The following ANKRD29 variants were observed in gnomAD, a reference collection of about 807,000 sequenced individuals.
ANKRD29 encodes ankyrin repeat domain 29.
ANKRD29 carries 32 observed loss-of-function variants against 38.0 expected under a neutral mutation model. That is an observed-to-expected ratio of 0.84 (90% CI 0.64 to 1.13). The LOEUF (loss-of-function observed/expected upper bound fraction) is 1.13, where lower values mean the gene tolerates loss of function less well. ANKRD29 is among the 50% of genes most tolerant of loss of function. ANKRD29 has a pLI of 0.00. For missense variants in ANKRD29, 357 were observed against 377.9 expected (o/e 0.94, Z 0.46); for synonymous variants, 135 against 152.4 (o/e 0.89, Z 0.84).
At chr18:23,617,867 A>T (rs764745051) in intron 7 of ANKRD29, 40 bp from the exon 8 acceptor site, 1 of 1,550,850 alleles carries the variant, frequency 6.4e-7, no homozygotes, top group Non-Finnish European at 8.9e-7. Context: ...TTATTAACAT[A>T]TATCTGTGTT....
chr18:23,636,211 A>G (rs2060001024), intron 4 of ANKRD29, among the ~76,000 whole-genome samples: 1 of 152,176 alleles, frequency 6.6e-6, no homozygotes, highest in African/African-American at 2.4e-5. Context: ...ATCATGGCTC[A>G]CTGCAGCCTT....
chr18:23,656,024 C>A (rs573549468), intron 1 of ANKRD29, among the ~76,000 whole-genome samples: 1 of 143,658 alleles, frequency 7.0e-6, no homozygotes, highest in Non-Finnish European at 1.5e-5. Flanking sequence ...ACCCGGGAGG[C>A]GGAGCTTGCA....
chr18:23,613,447 C>G (rs1374578225), intron 8 of ANKRD29, among the ~76,000 whole-genome samples: 1 of 152,032 alleles, frequency 6.6e-6, no homozygotes. Flanking sequence ...GCTGGGATTA[C>G]AGGTGTGAGC....
At chr18:23,601,961 T>C (rs1376821086) in intron 9 of ANKRD29, among the ~76,000 whole-genome samples, 1 of 152,072 alleles carries the variant, frequency 6.6e-6, no homozygotes, top group Non-Finnish European at 1.5e-5. Flanking sequence ...CCAGCCTACC[T>C]TATATTTATT....
At position 23,601,272 on chromosome 18, in the gene ANKRD29, C is replaced by G. The variant is rs143279851; in HGVS notation, c.860G>C (p.Arg287Pro). ...TTTACTTCTCAGGAGACGCAATATA[C>G]GTTCATTTTTGGTTAGTTCTGCCGG... The part of the protein sequence containing the change: ...ELPAELTKNE[R>P]ILRLLRSKEG... Residue 287 changes from arginine (R) to proline (P), a missense_variant, in exon 10 of 10, where the codon CGT becomes CCT. By Grantham distance (103) the Arg-to-Pro change is moderately radical. Coordinates refer to ENST00000592179, the MANE Select transcript of ANKRD29 (RefSeq NM_173505.4). 1.9e-6 allele frequency: 3 copies of G among 1,613,894 alleles called. No individual in the cohort carries two copies. In the East Asian group the frequency reaches 6.7e-5, roughly 36 times the overall value.
At chr18:23,657,116 C>T (rs934725600) in intron 1 of ANKRD29, among the ~76,000 whole-genome samples, 2 of 152,244 alleles carry the variant, frequency 1.3e-5, no homozygotes, top group African/African-American at 4.8e-5. Flanking sequence ...CCTCACCTCA[C>T]CTGGCAGTTG....
intron 6 of ANKRD29, among the ~76,000 whole-genome samples, chr18:23,628,540 ATAAAT>A (rs1290346393): frequency 2.0e-5 from 3 of 152,240 alleles, no homozygotes; most frequent in Admixed American, 6.5e-5. Flanking sequence ...TTTGTTAAAA[ATAAAT>A]TAATCTGGTG....
rs145092409 is a variant in ANKRD29, at chr18:23,601,125, C to CTT, written c.*99_*100dup. ...CCCACAGGATGGGCATTCTGGGCAT[C>CTT]TTTTTTTTTCATAAAAGAATTTCCA... On this transcript the variant is annotated 3_prime_UTR_variant, in exon 10 of 10. Coordinates refer to ENST00000592179, the MANE Select transcript of ANKRD29 (RefSeq NM_173505.4). The CTT allele has an allele frequency of 7.5e-6, 8 of 1,064,336 alleles. No individual in the cohort carries two copies. Among genetic ancestry groups the CTT allele is most frequent in the African/African-American group, 6.5e-5 (4 of 61,420 alleles). 65.9% of individuals were successfully genotyped at this position (1,064,336 alleles called of 1,614,324 possible).
chr18:23,624,466 C>CAAAAAAAAA (rs56005663), intron 6 of ANKRD29, among the ~76,000 whole-genome samples: 348 of 32,472 alleles, frequency 0.011, 71 homozygotes, highest in Non-Finnish European at 0.018. Flanking sequence ...GACTCCATCT[C>CAAAAAAAAA]AAAAAAAAAA....
chr18:23,656,048 C>A (rs1470980597), intron 1 of ANKRD29, among the ~76,000 whole-genome samples: 1 of 148,640 alleles, frequency 6.7e-6, no homozygotes. Context: ...AGCCGAGATC[C>A]CGCCACTGCA....
intron 1 of ANKRD29, among the ~76,000 whole-genome samples, chr18:23,660,003 C>CG (rs1432324472): frequency 6.6e-6 from 1 of 151,794 alleles, no homozygotes; most frequent in South Asian, 2.1e-4. Context: ...CCCAGCTACT[C>CG]GGGGGGCTGA....
intron 6 of ANKRD29, among the ~76,000 whole-genome samples, chr18:23,622,147 A>G (rs1697286155): frequency 6.6e-6 from 1 of 152,140 alleles, no homozygotes; most frequent in Non-Finnish European, 1.5e-5. Flanking sequence ...GTGCTATCTG[A>G]TCCAGGTCTT....
intron 4 of ANKRD29, among the ~76,000 whole-genome samples, chr18:23,636,176 C>T (rs542368436): frequency 5.3e-5 from 8 of 152,334 alleles, no homozygotes; most frequent in Admixed American, 1.3e-4. Flanking sequence ...CCTGCTCTGT[C>T]GCCCAGGCTG....
At chr18:23,635,019 A>G (rs2059984823) in intron 4 of ANKRD29, among the ~76,000 whole-genome samples, 1 of 152,212 alleles carries the variant, frequency 6.6e-6, no homozygotes, top group African/African-American at 2.4e-5. Flanking sequence ...TGTGTCTCTC[A>G]CTATCCTACT....
intron 8 of ANKRD29, among the ~76,000 whole-genome samples, chr18:23,615,650 G>A (rs2059701108): frequency 6.6e-6 from 1 of 150,626 alleles, no homozygotes; most frequent in Non-Finnish European, 1.5e-5. Context: ...GGATTCAAGC[G>A]ATCCACCTGC....
At chr18:23,626,103 C>A (rs942523644) in intron 6 of ANKRD29, among the ~76,000 whole-genome samples, 1 of 152,162 alleles carries the variant, frequency 6.6e-6, no homozygotes, top group African/African-American at 2.4e-5. Context: ...ATTTCCAAAC[C>A]CCCAGGATTC....
chr18:23,633,167 A>G (rs2059955376), intron 5 of ANKRD29, among the ~76,000 whole-genome samples: 1 of 152,218 alleles, frequency 6.6e-6, no homozygotes, highest in Non-Finnish European at 1.5e-5. Flanking sequence ...TATAGCGACA[A>G]TCAATTGAAA....
chr18:23,631,245 T>C (rs1049870613), intron 5 of ANKRD29, among the ~76,000 whole-genome samples: 1 of 148,882 alleles, frequency 6.7e-6, no homozygotes, highest in Non-Finnish European at 1.5e-5. Context: ...CTCTCTTCTT[T>C]TTTTTTTTTT....
At chr18:23,616,588 A>AC (rs1460405089) in intron 8 of ANKRD29, among the ~76,000 whole-genome samples, 1 of 142,238 alleles carries the variant, frequency 7.0e-6, no homozygotes, top group Non-Finnish European at 1.5e-5. Context: ...GTATATATAT[A>AC]TATATACTAT....
Sources: allele counts gnomAD v4.1 joint callset (sites outside exome capture counted in the v4.1 genomes callset), GRCh38; gene constraint gnomAD v4.1.1; transcripts MANE v1.5; gene names NCBI Gene and HGNC (gene_info 2026-07-23, HGNC 2026-07-21).